The following SETD3 variants were observed in gnomAD, a reference collection of about 807,000 sequenced individuals.
SETD3 encodes actin-histidine N-methyltransferase.
In SETD3, 19 loss-of-function variants were observed where a neutral mutation model predicts 63.0. The ratio of observed to expected loss-of-function variants is 0.30; its 90% confidence interval spans 0.21 to 0.44. SETD3 has a LOEUF of 0.44. SETD3 is among the 20% of genes least tolerant of loss of function. The pLI, the probability that SETD3 is intolerant of heterozygous loss-of-function variation, is 1.00. For missense variants in SETD3, 587 were observed against 728.5 expected, an observed-to-expected ratio of 0.81 and a Z score of 2.24; for synonymous variants, 286 against 264.1, an observed-to-expected ratio of 1.08 and a Z score of -0.80.
At chr14:99,460,418 A>G (rs1895005076) in intron 4 of SETD3, among the ~76,000 whole-genome samples, 1 of 151,852 alleles carries the variant, frequency 6.6e-6, no homozygotes, top group South Asian at 2.1e-4. Flanking sequence ...AGACTCCCCC[A>G]CCTAGTTACA....
At chr14:99,461,386 C>A in intron 3 of SETD3, 46 bp from the exon 4 acceptor site, 1 of 1,576,566 alleles carries the variant, frequency 6.3e-7, no homozygotes, top group Non-Finnish European at 8.6e-7. Flanking sequence ...TTTTAGGACA[C>A]ATATCATTCA....
intron 6 of SETD3, among the ~76,000 whole-genome samples, chr14:99,424,132 A>G (rs1892749244): frequency 6.6e-6 from 1 of 152,240 alleles, no homozygotes; most frequent in Non-Finnish European, 1.5e-5. Flanking sequence ...CCTGGAATAG[A>G]ATGCAGGAAA....
chr14:99,433,765 T>G (rs1431559140), intron 6 of SETD3, among the ~76,000 whole-genome samples: 1 of 152,212 alleles, frequency 6.6e-6, no homozygotes, highest in African/African-American at 2.4e-5. Flanking sequence ...GCGTAACATT[T>G]GAACAGGCAC....
intron 1 of SETD3, among the ~76,000 whole-genome samples, chr14:99,471,404 A>G (rs188508710): frequency 9.3e-4 from 141 of 152,360 alleles, no homozygotes; most frequent in African/African-American, 3.3e-3. Context: ...AGAGAGATGT[A>G]GATAATTAGA....
chr14:99,428,236 C>T (rs971722967), intron 6 of SETD3, among the ~76,000 whole-genome samples: 2 of 152,216 alleles, frequency 1.3e-5, no homozygotes, highest in African/African-American at 4.8e-5. Flanking sequence ...TTTGCTGGCA[C>T]TTGAGAGGTG....
chr14:99,410,043 G>A, intron 8 of SETD3: 1 of 608,642 alleles, frequency 1.6e-6, no homozygotes. Context: ...GACAATAGAG[G>A]GAAATGTAAC....
intron 7 of SETD3, among the ~76,000 whole-genome samples, chr14:99,413,666 A>G (rs1892129666): frequency 6.6e-6 from 1 of 152,246 alleles, no homozygotes; most frequent in African/African-American, 2.4e-5. Context: ...ATCCCCTGCC[A>G]TGACAGGTTA....
chr14:99,448,232 C>A (rs914745483), intron 6 of SETD3, among the ~76,000 whole-genome samples: 4 of 152,098 alleles, frequency 2.6e-5, no homozygotes, highest in Non-Finnish European at 5.9e-5. Flanking sequence ...CTGAAACTCC[C>A]TCACAGGGTA....
In SETD3 at chr14:99,465,829, A is replaced by C. The variant is rs1286256410; in HGVS notation, c.-8-16T>G. 6.4e-7 allele frequency: 1 copy of C among 1,558,664 alleles called. No homozygotes were observed. Among genetic ancestry groups the C allele is most frequent in the Non-Finnish European group, 8.8e-7 (1 of 1,133,732 alleles). On this transcript the variant is annotated splice_polypyrimidine_tract_variant and intron_variant, in intron 1 of 12. Coordinates refer to ENST00000331768, the MANE Select transcript of SETD3 (RefSeq NM_032233.3). ...ATTTTTCTGACTACAGAGAAGAGAA[A>C]GAAAAGAGAAAAAAATTACATTACC...
At chr14:99,439,062 C>T (rs1278799829) in intron 6 of SETD3, among the ~76,000 whole-genome samples, 1 of 152,238 alleles carries the variant, frequency 6.6e-6, no homozygotes, top group African/African-American at 2.4e-5. Flanking sequence ...GGCTTCAGCA[C>T]GTATCACACA....
intron 6 of SETD3, among the ~76,000 whole-genome samples, chr14:99,435,729 T>C (rs1408066114): frequency 1.4e-5 from 2 of 140,712 alleles, no homozygotes; most frequent in African/African-American, 2.8e-5. Flanking sequence ...CAAGGCAGGT[T>C]CCCCACCCCC....
intron 4 of SETD3, among the ~76,000 whole-genome samples, chr14:99,459,873 C>T (rs974518476): frequency 6.6e-6 from 1 of 152,212 alleles, no homozygotes; most frequent in African/African-American, 2.4e-5. Context: ...TTCACCTAAA[C>T]AGACCATGCC....
At chr14:99,485,512 T>C (rs747956409), upstream of SETD3, among the ~76,000 whole-genome samples, 2 of 152,228 alleles carry the variant, frequency 1.3e-5, no homozygotes, top group Non-Finnish European at 2.9e-5. Flanking sequence ...CTTGCTGTGC[T>C]TTTTATTATC....
chr14:99,414,338 G>A (rs1892172508), intron 6 of SETD3, among the ~76,000 whole-genome samples: 1 of 152,246 alleles, frequency 6.6e-6, no homozygotes, highest in Non-Finnish European at 1.5e-5. Context: ...TACCGCACAG[G>A]CCTTCTGAGA....
intron 6 of SETD3, among the ~76,000 whole-genome samples, chr14:99,416,248 T>A (rs952157674): frequency 6.6e-6 from 1 of 152,170 alleles, no homozygotes; most frequent in Non-Finnish European, 1.5e-5. Context: ...AAAAAAAACC[T>A]TTTTTCCCTG....
chr14:99,450,026 G>A (rs1894367817), intron 6 of SETD3, among the ~76,000 whole-genome samples: 1 of 152,234 alleles, frequency 6.6e-6, no homozygotes, highest in African/African-American at 2.4e-5. Context: ...CCAACTCAGA[G>A]TGACAATCTG....
rs1895340096 is a variant in SETD3, at chr14:99,465,823, AGAG to A, written c.-8-13_-8-11del. ...TTACCCATTTTTCTGACTACAGAGA[AGAG>A]AAAGAAAAGAGAAAAAAATTACATT... On this transcript the variant is annotated splice_polypyrimidine_tract_variant and intron_variant, in intron 1 of 12. Coordinates refer to ENST00000331768, the MANE Select transcript of SETD3 (RefSeq NM_032233.3). 1.3e-6 allele frequency: 2 copies of A among 1,591,056 alleles called. No individual in the cohort carries two copies.
In SETD3 at chr14:99,405,224, C is replaced by A. The variant is rs1162128377; in HGVS notation, c.1072G>T (p.Ala358Ser). 6.2e-7 allele frequency: 1 copy of A among 1,613,696 alleles called. No homozygotes were observed. Among genetic ancestry groups the A allele is most frequent in the Non-Finnish European group, 8.5e-7 (1 of 1,179,876 alleles). The change falls in exon 10 of 13, where the codon GCT (alanine) becomes TCT (serine). Residue 358 changes from alanine (A) to serine (S), a missense_variant. By Grantham distance (99) the Ala-to-Ser change is moderately conservative. Transcript: ENST00000331768. The part of the protein sequence containing the change: ...RLYAMKAEVL[A>S]RAGIPTSSVF... ...ACGTACGTGGGGATGCCGGCACGAG[C>A]CAAGACCTCGGCCTTCATGGCGTAG...
At chr14:99,426,011 T>G (rs947830439) in intron 6 of SETD3, among the ~76,000 whole-genome samples, 6 of 152,066 alleles carry the variant, frequency 3.9e-5, no homozygotes, top group African/African-American at 1.4e-4. Flanking sequence ...AGATTATTAA[T>G]CCCTAAAAAA....
Sources: allele counts gnomAD v4.1 joint callset (sites outside exome capture counted in the v4.1 genomes callset), GRCh38; gene constraint gnomAD v4.1.1; transcripts MANE v1.5; gene names NCBI Gene and HGNC (gene_info 2026-07-23, HGNC 2026-07-21).